PPM1H: variants seen among roughly 807,000 people sequenced by gnomAD.
PPM1H encodes the protein protein phosphatase 1H.
Under a neutral mutation model 54.9 loss-of-function variants are expected in PPM1H, and 27 were observed. The observed-to-expected ratio is 0.49, with a 90% CI of 0.36 to 0.68. The LOEUF (loss-of-function observed/expected upper bound fraction) is 0.68. Ranked by LOEUF, PPM1H falls within the 30% of genes least tolerant of loss-of-function variation. The probability of loss-of-function intolerance (pLI) is 0.00; values close to 1 mark genes in which losing one functional copy is unlikely to be tolerated. For missense variants in PPM1H, 596 were observed against 667.8 expected (o/e 0.89, Z 1.19); for synonymous variants, 305 against 270.8 (o/e 1.13, Z -1.24).
intron 4 of PPM1H, chr12:62,755,145 C>T: frequency 4.3e-6 from 2 of 464,766 alleles, no homozygotes; most frequent in Non-Finnish European, 8.0e-6. Context: ...TTAAATTGTA[C>T]ATAAGTAGCT....
intron 6 of PPM1H, among the ~76,000 whole-genome samples, chr12:62,709,219 C>T (rs958575424): frequency 1.3e-5 from 2 of 152,156 alleles, no homozygotes; most frequent in African/African-American, 4.8e-5. Context: ...AACATTGAAA[C>T]GTTCCATGCT....
rs1207770850 is a variant in PPM1H, at chr12:62,817,135, AAG to A, written c.411+14977_412-14976del. Among the ~76,000 whole-genome samples the A allele has an allele frequency of 1.8e-3, 188 of 106,750 alleles. 1 individual carries two copies. Among genetic ancestry groups the A allele is most frequent in the African/African-American group, 9.7e-3 (144 of 14,808 alleles). 70.0% of individuals were successfully genotyped at this position (106,750 alleles called of 152,430 possible). ...CATTACTAAAAAAAAAAAAAAAAAAAAGAAAAAAAAAAAAACTAAAAAAAAGA... is the reference window on the plus strand; with the variant it reads ...CATTACTAAAAAAAAAAAAAAAAAAAAAAAAAAAAAAAACTAAAAAAAAGA... On this transcript the variant is annotated intron_variant, in intron 2 of 9. Coordinates refer to ENST00000228705, the MANE Select transcript of PPM1H (RefSeq NM_020700.2).
intron 3 of PPM1H, among the ~76,000 whole-genome samples, chr12:62,798,641 T>C (rs879878307): frequency 5.9e-5 from 9 of 151,988 alleles, no homozygotes; most frequent in Admixed American, 1.3e-4. Context: ...AAGCTAAAGG[T>C]TCATGATATG....
At chr12:62,888,573 G>T (rs1870673370) in intron 1 of PPM1H, among the ~76,000 whole-genome samples, 1 of 152,160 alleles carries the variant, frequency 6.6e-6, no homozygotes, top group Non-Finnish European at 1.5e-5. Flanking sequence ...TAAGAAAAGG[G>T]TGTTTCAAGG....
At position 62,915,534 on chromosome 12, in the gene PPM1H, T is replaced by A. The variant is rs114024942; in HGVS notation, c.245+18958A>T. 8.7e-3 allele frequency among the ~76,000 whole-genome samples: 1,328 copies of A among 152,324 alleles called. 23 individuals carry two copies. Among genetic ancestry groups the A allele is most frequent in the African/African-American group, 0.03 (1,268 of 41,576 alleles). Reference sequence around the variant, plus strand: ...GTCCTTAGTGAATTCACCTGGGACCTCCATCCATGACAAATCCCAGGTTTT... The same window carrying A: ...GTCCTTAGTGAATTCACCTGGGACCACCATCCATGACAAATCCCAGGTTTT... On this transcript the variant is annotated intron_variant, in intron 1 of 9. Transcript: ENST00000228705.
intron 1 of PPM1H, among the ~76,000 whole-genome samples, chr12:62,931,532 AC>A (rs1448532967): frequency 1.3e-5 from 2 of 152,204 alleles, no homozygotes; most frequent in Non-Finnish European, 2.9e-5. Flanking sequence ...ATATTATCTG[AC>A]AGGGTTAAAG....
At chr12:62,851,981 C>A (rs1333828194) in intron 1 of PPM1H, among the ~76,000 whole-genome samples, 3 of 150,934 alleles carry the variant, frequency 2.0e-5, no homozygotes, top group African/African-American at 7.3e-5. Context: ...CGCCTGTAAT[C>A]CCAGCACTTT....
At chr12:62,785,629 TAG>T (rs2076666499) in intron 4 of PPM1H, among the ~76,000 whole-genome samples, 1 of 152,220 alleles carries the variant, frequency 6.6e-6, no homozygotes, top group African/African-American at 2.4e-5. Context: ...GGATAATTTT[TAG>T]AGATTATCTA....
At chr12:62,816,732 GTT>G (rs924375242) in intron 2 of PPM1H, among the ~76,000 whole-genome samples, 1 of 144,592 alleles carries the variant, frequency 6.9e-6, no homozygotes. Flanking sequence ...TATGGTTTTG[GTT>G]TTTTTTTTTA....
chr12:62,707,726 C>T (rs1398169959), intron 6 of PPM1H, among the ~76,000 whole-genome samples: 1 of 152,172 alleles, frequency 6.6e-6, no homozygotes, highest in Non-Finnish European at 1.5e-5. Flanking sequence ...CCATATATGG[C>T]CCTGTCCTGA....
intron 1 of PPM1H, among the ~76,000 whole-genome samples, chr12:62,889,593 A>G (rs1870712436): frequency 6.6e-6 from 1 of 152,180 alleles, no homozygotes; most frequent in South Asian, 2.1e-4. Flanking sequence ...GACCAACGGA[A>G]CAGAAGACAG....
intron 6 of PPM1H, among the ~76,000 whole-genome samples, chr12:62,702,580 G>GAGAC (rs1213370352): frequency 6.6e-6 from 1 of 151,734 alleles, no homozygotes; most frequent in South Asian, 2.1e-4. Flanking sequence ...GAGAGAGAGA[G>GAGAC]AAATACCACT....
chr12:62,694,005 G>A lies in PPM1H; in HGVS notation c.1074-6C>T. 6.2e-7 allele frequency: 1 copy of A among 1,610,678 alleles called. No homozygotes were observed. The highest frequency in any genetic ancestry group is 8.5e-7 in the Non-Finnish European group (1 of 1,178,386). On this transcript the variant is annotated splice_region_variant and splice_polypyrimidine_tract_variant and intron_variant, in intron 6 of 9. Transcript: ENST00000228705. ...CCTCAATGGTTTTGTATGCCCTGTA[G>A]GGGATAAACAACATTTTAAAAAAGG...
chr12:62,809,271 A>C (rs2076822350), intron 2 of PPM1H, among the ~76,000 whole-genome samples: 1 of 152,112 alleles, frequency 6.6e-6, no homozygotes, highest in Non-Finnish European at 1.5e-5. Context: ...GGCTGGTCTC[A>C]AACTCCTGGC....
At chr12:62,770,837 C>T (rs1276947516) in intron 4 of PPM1H, among the ~76,000 whole-genome samples, 3 of 151,896 alleles carry the variant, frequency 2.0e-5, no homozygotes, top group African/African-American at 7.3e-5. Context: ...TCCCACTCTG[C>T]GATTTCAAAA....
chr12:62,913,699 T>C (rs1372116186), intron 1 of PPM1H, among the ~76,000 whole-genome samples: 1 of 152,086 alleles, frequency 6.6e-6, no homozygotes, highest in Admixed American at 6.5e-5. Context: ...TACTGGTTTT[T>C]TGGGGGGTTC....
intron 3 of PPM1H, among the ~76,000 whole-genome samples, chr12:62,799,871 G>A (rs530877670): frequency 6.6e-6 from 1 of 152,120 alleles, no homozygotes; most frequent in Non-Finnish European, 1.5e-5. Flanking sequence ...GCATCCCGGT[G>A]GTGCTCTGCT....
chr12:62,691,525 A>T (rs1267917046), intron 7 of PPM1H, among the ~76,000 whole-genome samples: 5 of 152,146 alleles, frequency 3.3e-5, no homozygotes, highest in African/African-American at 9.7e-5. Flanking sequence ...GTCAGAGGGG[A>T]TAAAGACACG....
chr12:62,772,855 A>AAACAAAGTC, intron 4 of PPM1H, among the ~76,000 whole-genome samples: 1 of 152,152 alleles, frequency 6.6e-6, no homozygotes, highest in Non-Finnish European at 1.5e-5. Flanking sequence ...GAAGTATTTA[A>AAACAAAGTC]AACAAAGTCA....
Sources: gnomAD v4.1 joint callset for allele counts (sites outside exome capture counted in the v4.1 genomes callset) on GRCh38, gnomAD v4.1.1 for gene constraint, MANE v1.5 for transcripts, NCBI Gene and HGNC (gene_info 2026-07-23, HGNC 2026-07-21) for gene names.